APCDD1: variants seen among roughly 807,000 people sequenced by gnomAD.
APCDD1 encodes the protein protein APCDD1.
APCDD1 carries 15 observed loss-of-function variants against 38.1 expected under a neutral mutation model. That is an observed-to-expected ratio of 0.39 (90% CI 0.26 to 0.61). APCDD1 has a LOEUF of 0.61. Ranked by LOEUF, APCDD1 falls within the 20% of genes least tolerant of loss-of-function variation. The pLI is 0.49. For synonymous variants in APCDD1, 261 were observed against 279.7 expected, an observed-to-expected ratio of 0.93 and a Z score of 0.67; for missense variants, 647 against 696.2, an observed-to-expected ratio of 0.93 and a Z score of 0.79.
chr18:10,457,339 A>G (rs1290411673), intron 1 of APCDD1, among the ~76,000 whole-genome samples: 1 of 152,210 alleles, frequency 6.6e-6, no homozygotes, highest in African/African-American at 2.4e-5. Flanking sequence ...GTATTACTCA[A>G]CCTAACCAAG....
In APCDD1 at chr18:10,488,020, T is replaced by C. The variant is rs2031287588; in HGVS notation, c.1527T>C (p.His509=). The change falls in exon 5 of 5, where the codon CAT becomes CAC. Residue 509 remains histidine (H), a synonymous_variant. Transcript: ENST00000355285. The part of the protein sequence containing the change: ...AALACLVPLL[H]WNIRR ...TTGCCTGCCTTGTCCCTCTGCTGCA[T>C]TGGAACATCCGCAGATAGAAGTTTT... is the stretch of plus-strand genomic sequence containing the variant. 2 of 1,613,852 alleles carry C rather than the reference T, an allele frequency of 1.2e-6. No homozygotes were observed. Among genetic ancestry groups the C allele is most frequent in the Admixed American group, 1.7e-5 (1 of 60,032 alleles).
intron 3 of APCDD1, among the ~76,000 whole-genome samples, chr18:10,481,467 A>G (rs1285445705): frequency 6.6e-6 from 1 of 152,168 alleles, no homozygotes; most frequent in East Asian, 1.9e-4. Context: ...TTCCCCTCAG[A>G]TGAGGCACCT....
At chr18:10,462,382 GCTTCCTTCCTTCCTTCCTGT>G in intron 1 of APCDD1, among the ~76,000 whole-genome samples, 1 of 151,388 alleles carries the variant, frequency 6.6e-6, no homozygotes, top group South Asian at 2.1e-4. Context: ...TAAATTACTT[GCTTCCTTCCTTCCTTCCTGT>G]CTTCTTTCCT....
At chr18:10,478,823 A>G (rs943181127) in intron 3 of APCDD1, among the ~76,000 whole-genome samples, 25 of 152,076 alleles carry the variant, frequency 1.6e-4, no homozygotes, top group African/African-American at 5.3e-4. Flanking sequence ...TGGCATCATC[A>G]TGCTCCCTTT....
At chr18:10,468,238 T>C (rs919694814) in intron 1 of APCDD1, among the ~76,000 whole-genome samples, 2 of 152,248 alleles carry the variant, frequency 1.3e-5, no homozygotes, top group African/African-American at 4.8e-5. Flanking sequence ...AAGCAAGTTA[T>C]GTTGGTGATC....
chr18:10,488,184 C>T lies in APCDD1; in HGVS notation c.*146C>T, dbSNP rs754107893. The T allele has an allele frequency of 1.3e-5, 13 of 1,031,178 alleles. No individual in the cohort carries two copies. The South Asian group carries it at 2.0e-4, about 16-fold the overall frequency. 63.9% of individuals were successfully genotyped at this position (1,031,178 alleles called of 1,614,324 possible). Reference sequence around the variant, plus strand: ...TTTCTCCTCTCCCTCCCTCCCAGCCCCTGAGTCATGAACAGCAAGGAGTGT... The same window carrying T: ...TTTCTCCTCTCCCTCCCTCCCAGCCTCTGAGTCATGAACAGCAAGGAGTGT... On this transcript the variant is annotated 3_prime_UTR_variant, in exon 5 of 5. Coordinates refer to ENST00000355285, the MANE Select transcript of APCDD1 (RefSeq NM_153000.5).
chr18:10,484,278 C>G (rs980513298), intron 3 of APCDD1, among the ~76,000 whole-genome samples: 3 of 152,246 alleles, frequency 2.0e-5, no homozygotes, highest in African/African-American at 7.2e-5. Context: ...TCCAGCTCTC[C>G]CTTCTTGCGG....
chr18:10,481,536 A>G (rs2031137148), intron 3 of APCDD1, among the ~76,000 whole-genome samples: 1 of 152,014 alleles, frequency 6.6e-6, no homozygotes, highest in Non-Finnish European at 1.5e-5. Flanking sequence ...GGCAGGAGAG[A>G]GAATGAGGCG....
rs759075518 is a variant in APCDD1 at position 10,471,640 on chromosome 18, C to T, written c.353C>T (p.Pro118Leu). The T allele has an allele frequency of 1.2e-6, 2 of 1,614,158 alleles. No homozygotes were observed. Among genetic ancestry groups the T allele is most frequent in the Non-Finnish European group, 1.7e-6 (2 of 1,180,028 alleles). The change falls in exon 3 of 5, where the codon CCC becomes CTC. Residue 118 changes from proline (P) to leucine (L), a missense_variant. By Grantham distance (98) the Pro-to-Leu change is moderately conservative. Transcript: ENST00000355285. The surrounding 1 kb of genome is among the most constrained non-coding windows in gnomAD (Gnocchi z 5.5). ...FYYGSNRCTNPTYTLIIRGKI... is the reference protein window; with the variant it reads ...FYYGSNRCTNLTYTLIIRGKI... ...TATGGCAGCAACCGGTGCACAAATCCCACTTATACTCTCATCATCCGGGGC... is the reference window on the plus strand; with the variant it reads ...TATGGCAGCAACCGGTGCACAAATCTCACTTATACTCTCATCATCCGGGGC...
chr18:10,465,300 AC>A (rs1230384963), intron 1 of APCDD1, among the ~76,000 whole-genome samples: 1 of 152,056 alleles, frequency 6.6e-6, no homozygotes, highest in African/African-American at 2.4e-5. Flanking sequence ...TCCCCACATC[AC>A]CTTTATGTCC....
At chr18:10,461,754 A>G (rs528845035) in intron 1 of APCDD1, among the ~76,000 whole-genome samples, 75 of 152,364 alleles carry the variant, frequency 4.9e-4, no homozygotes, top group African/African-American at 1.6e-3. Flanking sequence ...ATCCTTTCAG[A>G]TAACTCTTTT....
chr18:10,469,296 C>A lies in APCDD1; in HGVS notation c.242+644C>A, dbSNP rs1348450206. On this transcript the variant is annotated intron_variant, in intron 2 of 4. Transcript: ENST00000355285. The surrounding 1 kb of genome is among the most constrained non-coding windows in gnomAD (Gnocchi z 5.5). ...TGATCACTTCTCCCTGTGCGCTGTT[C>A]CCGGGATATGGATAGCAGCCTTCAA... Among the ~76,000 whole-genome samples, 3 of 151,974 alleles carry A rather than the reference C, an allele frequency of 2.0e-5. No homozygotes were observed. The highest frequency in any genetic ancestry group is 1.3e-4 in the Admixed American group (2 of 15,260).
chr18:10,474,851 A>G (rs2030954402), intron 3 of APCDD1, among the ~76,000 whole-genome samples: 1 of 152,186 alleles, frequency 6.6e-6, no homozygotes, highest in Non-Finnish European at 1.5e-5. Context: ...AAAATTATTA[A>G]ATATTGGCAT....
intron 3 of APCDD1, among the ~76,000 whole-genome samples, chr18:10,481,082 G>A (rs2031126162): frequency 1.3e-5 from 2 of 152,154 alleles, no homozygotes; most frequent in South Asian, 4.1e-4. Flanking sequence ...GGAGAAATTG[G>A]AACCTTATAC....
rs2031016887 is a variant in APCDD1 at position 10,476,986 on chromosome 18, AG to A, written c.774+4927del. 1 of 152,278 alleles carries A rather than the reference AG, an allele frequency of 6.6e-6. No individual in the cohort carries two copies. The highest frequency in any genetic ancestry group is 1.5e-5 in the Non-Finnish European group (1 of 68,062). The allele number at this position is 152,278 out of a possible 1,614,324, so 9.4% of individuals were successfully genotyped here. On this transcript the variant is annotated intron_variant, in intron 3 of 4. Transcript: ENST00000355285. This position sits in a 1 kb window ranked among gnomAD's most constrained non-coding sequence, Gnocchi z 5.8. ...AGTGACACCATGGGGATGTTGAGTCAGGTGGTCTTGGAGCCTGGACTTTTCA... is the reference window on the plus strand; with the variant it reads ...AGTGACACCATGGGGATGTTGAGTCAGTGGTCTTGGAGCCTGGACTTTTCA...
At position 10,476,554 on chromosome 18, in the gene APCDD1, T is replaced by A. The variant is rs573840690; in HGVS notation, c.774+4493T>A. The stretch of plus-strand genomic sequence containing the variant: ...GAAGCCAGGCTCATTCTTTCAGGGA[T>A]GGAATCAAATGGTAATTAAAAGCAA... On this transcript the variant is annotated intron_variant, in intron 3 of 4. Transcript: ENST00000355285. This position sits in a 1 kb window ranked among gnomAD's most constrained non-coding sequence, Gnocchi z 5.8. The A allele has an allele frequency of 1.3e-5, 2 of 152,232 alleles. No homozygotes were observed. The highest frequency in any genetic ancestry group is 2.9e-5 in the Non-Finnish European group (2 of 68,042). 9.4% of individuals were successfully genotyped at this position (152,232 alleles called of 1,614,324 possible).
chr18:10,483,939 A>G (rs2031193500), intron 3 of APCDD1, among the ~76,000 whole-genome samples: 1 of 152,230 alleles, frequency 6.6e-6, no homozygotes, highest in South Asian at 2.1e-4. Flanking sequence ...GCCCGGGCTC[A>G]GAGGTGTCTG....
Position 10,475,734 on chromosome 18 carries a change from C to G in APCDD1, c.774+3673C>G, listed in dbSNP as rs996612669. ...TGTGGCCACAGATGCAGGTGGCAGC[C>G]CAGCTGGAAGGAGGACCCAGGCTTC... On this transcript the variant is annotated intron_variant, in intron 3 of 4. Transcript: ENST00000355285. This position sits in a 1 kb window ranked among gnomAD's most constrained non-coding sequence, Gnocchi z 4.0. 1.6e-4 allele frequency among the ~76,000 whole-genome samples: 24 copies of G among 150,486 alleles called. No homozygotes were observed. Among genetic ancestry groups the G allele is most frequent in the Admixed American group, 1.2e-3 (18 of 15,160 alleles).
chr18:10,456,349 A>T (rs1254310852), intron 1 of APCDD1, among the ~76,000 whole-genome samples: 1 of 152,232 alleles, frequency 6.6e-6, no homozygotes, highest in South Asian at 2.1e-4. Flanking sequence ...ATTACAGAGC[A>T]GTTTTAATCT....
Sources: allele counts gnomAD v4.1 joint callset (sites outside exome capture counted in the v4.1 genomes callset), GRCh38; gene constraint gnomAD v4.1.1; non-coding constraint Gnocchi (gnomAD v3.1); transcripts MANE v1.5; gene names NCBI Gene and HGNC (gene_info 2026-07-23, HGNC 2026-07-21).